The following MARK1 variants were observed in gnomAD, a reference collection of about 807,000 sequenced individuals.
MARK1 encodes the protein serine/threonine-protein kinase MARK1.
MARK1 carries 40 observed loss-of-function variants against 96.3 expected under a neutral mutation model. The ratio of observed to expected loss-of-function variants is 0.42; its 90% CI spans 0.32 to 0.54. The LOEUF (loss-of-function observed/expected upper bound fraction) is 0.54. Among genes scored for constraint, MARK1 ranks in the 20% least tolerant of loss-of-function variants. MARK1 has a pLI of 0.16. For missense variants in MARK1, 719 were observed against 984.6 expected (o/e 0.73, Z 3.61); for synonymous variants, 317 against 341.2 (o/e 0.93, Z 0.78).
At chr1:220,544,858 G>T (rs1056331439) in intron 1 of MARK1, among the ~76,000 whole-genome samples, 3 of 152,186 alleles carry the variant, frequency 2.0e-5, no homozygotes, top group African/African-American at 4.8e-5. Context: ...TGAAAAGAGG[G>T]TTTGCTTTTA....
chr1:220,564,412 A>G (rs1269773347), intron 1 of MARK1, among the ~76,000 whole-genome samples: 1 of 152,234 alleles, frequency 6.6e-6, no homozygotes, highest in African/African-American at 2.4e-5. Flanking sequence ...GGTATGAGAC[A>G]AATGAGTCAG....
At chr1:220,622,004 C>T (rs1173483200) in intron 9 of MARK1, among the ~76,000 whole-genome samples, 1 of 152,066 alleles carries the variant, frequency 6.6e-6, no homozygotes, top group African/African-American at 2.4e-5. Flanking sequence ...CATAAGCAAA[C>T]AGTTATATAA....
Position 220,663,139 on chromosome 1 carries a change from T to C in MARK1, c.*973T>C, listed in dbSNP as rs1330821400. On this transcript the variant is annotated 3_prime_UTR_variant, in exon 18 of 18. Transcript: ENST00000366917. ...ATGCCACCTCAGGAATTAACTGGCA[T>C]TGGGAACATTTGCCTCATTCTCCTG... is the stretch of plus-strand genomic sequence containing the variant. 2 of 152,594 alleles carry C rather than the reference T, an allele frequency of 1.3e-5. No homozygotes were observed. Among genetic ancestry groups the C allele is most frequent in the African/African-American group, 4.8e-5 (2 of 41,454 alleles). The allele number at this position is 152,594 out of a possible 1,614,324, so 9.5% of individuals were successfully genotyped here. A position where few individuals can be genotyped will look rare whatever the true frequency, so the allele number is the denominator to read the frequency against.
At position 220,647,388 on chromosome 1, in the gene MARK1, G is replaced by A. The variant is rs1327756285; in HGVS notation, c.1471-3232G>A. Reference sequence around the variant, plus strand: ...CAGTCAGAATGGTGATTATTAAAAAGTCGAGAAACAACAGATGCTGGCAAG... The same window carrying A: ...CAGTCAGAATGGTGATTATTAAAAAATCGAGAAACAACAGATGCTGGCAAG... On this transcript the variant is annotated intron_variant, in intron 13 of 17. Coordinates refer to ENST00000366917, the MANE Select transcript of MARK1 (RefSeq NM_018650.5). Among the ~76,000 whole-genome samples the A allele has an allele frequency of 2.6e-5, 4 of 152,126 alleles. No homozygotes were observed. The East Asian group carries it at 7.7e-4, about 29-fold the overall frequency.
chr1:220,573,144 G>C (rs1663588931), intron 1 of MARK1, among the ~76,000 whole-genome samples: 1 of 151,838 alleles, frequency 6.6e-6, no homozygotes, highest in African/African-American at 2.4e-5. Flanking sequence ...TTGTTTGTTT[G>C]TTTGTTTGTT....
intron 13 of MARK1, among the ~76,000 whole-genome samples, chr1:220,647,015 C>T (rs764468263): frequency 3.9e-5 from 6 of 152,092 alleles, no homozygotes; most frequent in Admixed American, 2.0e-4. Flanking sequence ...ATGATGAAAT[C>T]GCCAAAAGGA....
At chr1:220,606,914 A>C (rs780358152) in intron 6 of MARK1, among the ~76,000 whole-genome samples, 8 of 151,976 alleles carry the variant, frequency 5.3e-5, no homozygotes, top group African/African-American at 1.2e-4. Flanking sequence ...ATGCTCTTTC[A>C]GTTACTGTAG....
chr1:220,659,707 A>G (rs1157087557), intron 17 of MARK1, among the ~76,000 whole-genome samples: 1 of 152,244 alleles, frequency 6.6e-6, no homozygotes, highest in African/African-American at 2.4e-5. Flanking sequence ...TTAAGGTGGA[A>G]TAGAAGGAAA....
At chr1:220,566,883 G>A (rs1663096848) in intron 1 of MARK1, among the ~76,000 whole-genome samples, 1 of 151,914 alleles carries the variant, frequency 6.6e-6, no homozygotes, top group Non-Finnish European at 1.5e-5. Flanking sequence ...TTGAGAAACT[G>A]GTAACATCTG....
chr1:220,644,636 T>C (rs1043561911), intron 13 of MARK1, among the ~76,000 whole-genome samples: 3 of 152,190 alleles, frequency 2.0e-5, no homozygotes, highest in African/African-American at 7.2e-5. Context: ...ACATTTTTCT[T>C]GGTGCCATGT....
chr1:220,561,646 A>G (rs74139767), intron 1 of MARK1, among the ~76,000 whole-genome samples: 1,713 of 152,336 alleles, frequency 0.011, 26 homozygotes, highest in African/African-American at 0.039. Context: ...TTTGAGACAC[A>G]TGATCAGATA....
At position 220,663,045 on chromosome 1, in the gene MARK1, T is replaced by TAA. The variant is rs1253619869; in HGVS notation, c.*880_*881dup. 1 of 152,646 alleles carries TAA rather than the reference T, an allele frequency of 6.6e-6. No individual in the cohort carries two copies. Among genetic ancestry groups the TAA allele is most frequent in the Non-Finnish European group, 1.5e-5 (1 of 68,038 alleles). 9.5% of individuals were successfully genotyped at this position (152,646 alleles called of 1,614,324 possible). A position where few individuals can be genotyped will look rare whatever the true frequency, so the allele number is the denominator to read the frequency against. On this transcript the variant is annotated 3_prime_UTR_variant, in exon 18 of 18. Transcript: ENST00000366917. ...CCGCAATTTAATTGCGGGAATATAA[T>TAA]AATATTGGGACTGTTTCACAGCACA... is the stretch of plus-strand genomic sequence containing the variant.
rs372037376 is a variant in MARK1, at chr1:220,581,854, C to G, written c.309+736C>G. ...AATTACTTAAATGGGAAAATTTTCTCAGATGCACATTTTAGTACTTTAAAA... is the reference window on the plus strand; with the variant it reads ...AATTACTTAAATGGGAAAATTTTCTGAGATGCACATTTTAGTACTTTAAAA... On this transcript the variant is annotated intron_variant, in intron 3 of 17. Coordinates refer to ENST00000366917, the MANE Select transcript of MARK1 (RefSeq NM_018650.5). Among the ~76,000 whole-genome samples, 232 of 152,270 alleles carry G rather than the reference C, an allele frequency of 1.5e-3. 1 individual carries two copies. Among genetic ancestry groups the G allele is most frequent in the African/African-American group, 5.3e-3 (222 of 41,560 alleles).
chr1:220,567,114 A>G (rs1351271395), intron 1 of MARK1, among the ~76,000 whole-genome samples: 1 of 152,162 alleles, frequency 6.6e-6, no homozygotes, highest in Non-Finnish European at 1.5e-5. Context: ...ATGGCAGCAT[A>G]TGACACTGTA....
intron 4 of MARK1, among the ~76,000 whole-genome samples, 195 bp downstream of exon 4, chr1:220,598,574 G>A (rs1470145031): frequency 6.6e-6 from 1 of 151,618 alleles, no homozygotes; most frequent in Non-Finnish European, 1.5e-5. Flanking sequence ...CTAACTGGAG[G>A]CTACAGATTG....
rs546483915 is a variant in MARK1, at chr1:220,553,997, G to A, written c.51+25124G>A. ...CTTTCAGATTAGCTGTAATGGTAATGCAGTATATATTACTTTCACTACTGA... is the reference window on the plus strand; with the variant it reads ...CTTTCAGATTAGCTGTAATGGTAATACAGTATATATTACTTTCACTACTGA... On this transcript the variant is annotated intron_variant, in intron 1 of 17. Coordinates refer to ENST00000366917, the MANE Select transcript of MARK1 (RefSeq NM_018650.5). Among the ~76,000 whole-genome samples, 24 of 152,322 alleles carry A rather than the reference G, an allele frequency of 1.6e-4. No homozygotes were observed. In the South Asian group the frequency reaches 3.3e-3, roughly 21 times the overall value.
chr1:220,558,459 G>A (rs1662441096), intron 1 of MARK1, among the ~76,000 whole-genome samples: 1 of 151,648 alleles, frequency 6.6e-6, no homozygotes, highest in Non-Finnish European at 1.5e-5. Flanking sequence ...CTCAGCTTGT[G>A]TAAAAACTAG....
intron 11 of MARK1, among the ~76,000 whole-genome samples, chr1:220,633,530 C>T (rs1020516523): frequency 6.6e-6 from 1 of 152,176 alleles, no homozygotes; most frequent in Non-Finnish European, 1.5e-5. Flanking sequence ...AGTCTCTGCT[C>T]TCAAGGAGCC....
chr1:220,554,244 G>C (rs1662084383), intron 1 of MARK1, among the ~76,000 whole-genome samples: 1 of 152,156 alleles, frequency 6.6e-6, no homozygotes, highest in African/African-American at 2.4e-5. Context: ...ACCAGATCTA[G>C]TCAGTGTAAT....
Sources: allele counts gnomAD v4.1 joint callset (sites outside exome capture counted in the v4.1 genomes callset), GRCh38; gene constraint gnomAD v4.1.1; transcripts MANE v1.5; gene names NCBI Gene and HGNC (gene_info 2026-07-23, HGNC 2026-07-21).